The following VPS33B variants were observed in gnomAD, a reference collection of about 807,000 sequenced individuals.
VPS33B encodes vacuolar protein sorting-associated protein 33B.
Under a neutral mutation model 95.3 loss-of-function variants are expected in VPS33B, and 80 were observed. The observed-to-expected ratio is 0.84, with a 90% CI of 0.70 to 1.01. The LOEUF is 1.01. Ranked by LOEUF, VPS33B falls within the 50% of genes least tolerant of loss-of-function variation. The pLI, the probability that VPS33B is intolerant of heterozygous loss-of-function variation, is 0.00. For synonymous variants in VPS33B, 280 were observed against 280.4 expected (o/e 1.00, Z 0.01); for missense variants, 715 against 773.4 (o/e 0.92, Z 0.90).
chr15:91,005,513 T>C lies in VPS33B; in HGVS notation c.1031-59A>G, dbSNP rs556413987. On this transcript the variant is annotated intron_variant, in intron 13 of 22. Transcript: ENST00000333371. The surrounding 1 kb of genome is among the most constrained non-coding windows in gnomAD (Gnocchi z 6.4). Reference sequence around the variant, plus strand: ...TGGTTCTAGAAAGATGTCCCTTTATTGTCCGGAAGAATAAAAAACCTCCTA... The same window carrying C: ...TGGTTCTAGAAAGATGTCCCTTTATCGTCCGGAAGAATAAAAAACCTCCTA... 2.4e-5 allele frequency: 38 copies of C among 1,611,690 alleles called. 1 individual carries two copies. The highest frequency in any genetic ancestry group is 3.1e-5 in the Non-Finnish European group (37 of 1,177,916).
rs960386525 is a variant in VPS33B, at chr15:91,010,408, C to G, written c.358-562G>C. Among the ~76,000 whole-genome samples, 1 of 152,160 alleles carries G rather than the reference C, an allele frequency of 6.6e-6. No homozygotes were observed. The highest frequency in any genetic ancestry group is 1.5e-5 in the Non-Finnish European group (1 of 68,040). ...TTGAGCCCAGAAGTTCTAGACCAGTCTGGGCAACATAGTGACACCCCATCT... is the reference window on the plus strand; with the variant it reads ...TTGAGCCCAGAAGTTCTAGACCAGTGTGGGCAACATAGTGACACCCCATCT... On this transcript the variant is annotated intron_variant, in intron 5 of 22. Coordinates refer to ENST00000333371, the MANE Select transcript of VPS33B (RefSeq NM_018668.5). This position sits in a 1 kb window ranked among gnomAD's most constrained non-coding sequence, Gnocchi z 5.7.
chr15:91,016,290 G>A (rs977777527), intron 3 of VPS33B, among the ~76,000 whole-genome samples: 1 of 152,122 alleles, frequency 6.6e-6, no homozygotes, highest in Non-Finnish European at 1.5e-5. Flanking sequence ...GGTAACGTGG[G>A]AGGCCACGCT....
At chr15:91,008,713 T>A (rs965005767) in intron 6 of VPS33B, among the ~76,000 whole-genome samples, 1 of 152,198 alleles carries the variant, frequency 6.6e-6, no homozygotes, top group African/African-American at 2.4e-5. Context: ...AGACAAATTA[T>A]GACACAAACT....
At position 91,007,635 on chromosome 15, in the gene VPS33B, G is replaced by A; in HGVS notation, c.499-62C>T. On this transcript the variant is annotated intron_variant, in intron 7 of 22. Coordinates refer to ENST00000333371, the MANE Select transcript of VPS33B (RefSeq NM_018668.5). This position sits in a 1 kb window ranked among gnomAD's most constrained non-coding sequence, Gnocchi z 5.3. ...ACCCAGTAGGACCACCTGGAAAGTG[G>A]CTAGCCCTAGAAGCCCTGGAGCAGG... is the stretch of plus-strand genomic sequence containing the variant. 1 of 1,567,712 alleles carries A rather than the reference G, an allele frequency of 6.4e-7. No individual in the cohort carries two copies. Among genetic ancestry groups the A allele is most frequent in the South Asian group, 1.1e-5 (1 of 90,068 alleles).
chr15:91,020,350 A>C (rs978270934), intron 1 of VPS33B, among the ~76,000 whole-genome samples: 1 of 152,190 alleles, frequency 6.6e-6, no homozygotes, highest in African/African-American at 2.4e-5. Context: ...CTGATATTTC[A>C]AGCTGAATAG....
chr15:91,013,060 A>G lies in VPS33B; in HGVS notation c.357+744T>C, dbSNP rs2040823337. Among the ~76,000 whole-genome samples the G allele has an allele frequency of 6.6e-6, 1 of 152,126 alleles. No individual in the cohort carries two copies. On this transcript the variant is annotated intron_variant, in intron 5 of 22. Coordinates refer to ENST00000333371, the MANE Select transcript of VPS33B (RefSeq NM_018668.5). This position sits in a 1 kb window ranked among gnomAD's most constrained non-coding sequence, Gnocchi z 4.5. ...AAGAGGGAGGGTGATGATTTATCGT[A>G]TTTATTCTTAAAGGGATACAGGGAG... is the stretch of plus-strand genomic sequence containing the variant.
At chr15:91,012,506 G>C (rs191425712) in intron 5 of VPS33B, among the ~76,000 whole-genome samples, 2 of 152,150 alleles carry the variant, frequency 1.3e-5, no homozygotes, top group Non-Finnish European at 2.9e-5. Flanking sequence ...CTCAAGGGTG[G>C]ATTTTATCCA....
At position 91,018,125 on chromosome 15, in the gene VPS33B, G is replaced by C. The variant is rs1314300143; in HGVS notation, c.97-240C>G. 10 of 517,676 alleles carry C rather than the reference G, an allele frequency of 1.9e-5. No individual in the cohort carries two copies. Among genetic ancestry groups the C allele is most frequent in the South Asian group, 1.4e-4 (7 of 51,386 alleles). 32.1% of individuals were successfully genotyped at this position (517,676 alleles called of 1,614,324 possible). A position where few individuals can be genotyped will look rare whatever the true frequency, so the allele number is the denominator to read the frequency against. ...GAAGACATCCCACCTTCTTTCTCAG[G>C]TTAACTCCTTGTCACTCAACCCTTC... On this transcript the variant is annotated intron_variant, in intron 1 of 22. Transcript: ENST00000333371. This position sits in a 1 kb window ranked among gnomAD's most constrained non-coding sequence, Gnocchi z 4.7.
chr15:91,013,900 A>G lies in VPS33B; in HGVS notation c.290-29T>C, dbSNP rs1176139683. The G allele has an allele frequency of 2.5e-6, 4 of 1,613,478 alleles. No individual in the cohort carries two copies. The highest frequency in any genetic ancestry group is 1.7e-5 in the Admixed American group (1 of 60,014). ...CAGAGAGAAGGAATGCAGCCCAGCA[A>G]GTCATGGGCCATCTGTTATGCTAGA... On this transcript the variant is annotated intron_variant, in intron 4 of 22. Transcript: ENST00000333371. This position sits in a 1 kb window ranked among gnomAD's most constrained non-coding sequence, Gnocchi z 4.5.
At position 91,009,054 on chromosome 15, in the gene VPS33B, G is replaced by A. The variant is rs2040699485; in HGVS notation, c.403+747C>T. On this transcript the variant is annotated intron_variant, in intron 6 of 22. Transcript: ENST00000333371. This position sits in a 1 kb window ranked among gnomAD's most constrained non-coding sequence, Gnocchi z 4.1. ...ATTCTGGGCTTTATATTGAGCCGCT[G>A]CTATTTCCAGCAGGGAGGGCTGTGA... is the stretch of plus-strand genomic sequence containing the variant. Among the ~76,000 whole-genome samples the A allele has an allele frequency of 6.6e-6, 1 of 152,106 alleles. No individual in the cohort carries two copies. Among genetic ancestry groups the A allele is most frequent in the Non-Finnish European group, 1.5e-5 (1 of 68,016 alleles).
rs757706978 is a variant in VPS33B, at chr15:91,000,511, C to T, written c.1560G>A (p.Leu520=). 42 of 1,613,318 alleles carry T rather than the reference C, an allele frequency of 2.6e-5. No individual in the cohort carries two copies. Among genetic ancestry groups the T allele is most frequent in the Non-Finnish European group, 3.6e-5 (42 of 1,179,570 alleles). The change falls in exon 20 of 23, where the codon CTG becomes CTA. Residue 520 remains leucine, a synonymous_variant. Coordinates refer to ENST00000333371, the MANE Select transcript of VPS33B (RefSeq NM_018668.5). This position sits in a 1 kb window ranked among gnomAD's most constrained non-coding sequence, Gnocchi z 4.9. ...TCACCTGCTCAATGATTCGGCAGCT[C>T]AGGGGCACATAAGCACCACCGAAGA... ...AYVFGGAYVP[L]SCRIIEQVLE... is the part of the protein sequence containing the mutation.
At chr15:91,003,161 T>C in intron 16 of VPS33B, 30 bp from the exon 17 acceptor site, 2 of 1,613,506 alleles carry the variant, frequency 1.2e-6, no homozygotes, top group African/African-American at 1.3e-5. Context: ...GACAGGTGCA[T>C]GAGAAAGAGG....
downstream of VPS33B, chr15:90,998,641 G>C (rs945030053): frequency 1.3e-5 from 5 of 384,858 alleles, no homozygotes; most frequent in East Asian, 3.1e-4. The surrounding 1 kb of genome is among the most constrained non-coding windows in gnomAD (Gnocchi z 4.8). Flanking sequence ...CACTAATAAA[G>C]ATGGAAGTGC....
At position 91,005,338 on chromosome 15, in the gene VPS33B, G is replaced by T. The variant is rs1313459821; in HGVS notation, c.1105+42C>A. 6.2e-7 allele frequency: 1 copy of T among 1,614,038 alleles called. No individual in the cohort carries two copies. The highest frequency in any genetic ancestry group is 8.5e-7 in the Non-Finnish European group (1 of 1,180,018). ...TGGGACGGGGCTGGGAGCTGGGGAA[G>T]TAGAAGCGTGGGCAGTAGCACAGCA... On this transcript the variant is annotated intron_variant, in intron 14 of 22. Transcript: ENST00000333371. The surrounding 1 kb of genome is among the most constrained non-coding windows in gnomAD (Gnocchi z 6.4).
Position 91,015,429 on chromosome 15 carries a change from C to T in VPS33B, c.240-996G>A, listed in dbSNP as rs1366249374. ...GCGAGGTGGTGCATGCCTATAATCC[C>T]AGCATTTTGGGAGGCCAAGGAGTGC... On this transcript the variant is annotated intron_variant, in intron 3 of 22. Transcript: ENST00000333371. The surrounding 1 kb of genome is among the most constrained non-coding windows in gnomAD (Gnocchi z 4.7). 6.6e-6 allele frequency among the ~76,000 whole-genome samples: 1 copy of T among 151,796 alleles called. No homozygotes were observed. Among genetic ancestry groups the T allele is most frequent in the Non-Finnish European group, 1.5e-5 (1 of 67,944 alleles).
Position 91,007,433 on chromosome 15 carries a change from C to T in VPS33B, c.603+36G>A, listed in dbSNP as rs142934083. On this transcript the variant is annotated intron_variant, in intron 8 of 22. Coordinates refer to ENST00000333371, the MANE Select transcript of VPS33B (RefSeq NM_018668.5). The surrounding 1 kb of genome is among the most constrained non-coding windows in gnomAD (Gnocchi z 5.3). ...GGAGGGTACAGAACAGGGAAAACAG[C>T]GTCTGCTGGGACAACAGTACTGCTA... 1.2e-4 allele frequency: 190 copies of T among 1,595,032 alleles called. No individual in the cohort carries two copies. Among genetic ancestry groups the T allele is most frequent in the Admixed American group, 1.7e-4 (10 of 59,976 alleles).
In VPS33B at chr15:90,999,534, G is replaced by C; in HGVS notation, c.1774+143C>G. ...GGGTTTCACCATGTTGGTCAGGCTAGGCTCTAACTCCTGACCTCAGGTGAT... is the reference window on the plus strand; with the variant it reads ...GGGTTTCACCATGTTGGTCAGGCTACGCTCTAACTCCTGACCTCAGGTGAT... On this transcript the variant is annotated intron_variant, in intron 22 of 22. Coordinates refer to ENST00000333371, the MANE Select transcript of VPS33B (RefSeq NM_018668.5). The surrounding 1 kb of genome is among the most constrained non-coding windows in gnomAD (Gnocchi z 5.1). 1 of 865,176 alleles carries C rather than the reference G, an allele frequency of 1.2e-6. No individual in the cohort carries two copies. Among genetic ancestry groups the C allele is most frequent in the Non-Finnish European group, 1.9e-6 (1 of 514,088 alleles). 53.6% of individuals were successfully genotyped at this position (865,176 alleles called of 1,614,324 possible).
rs1185807793 is a variant in VPS33B at position 91,017,368 on chromosome 15, ATATATAT to A, written c.178-351_178-345del. Among the ~76,000 whole-genome samples the A allele has an allele frequency of 1.6e-3, 57 of 35,244 alleles. 10 individuals carry two copies. The highest frequency in any genetic ancestry group is 4.0e-3 in the African/African-American group (43 of 10,700). The allele number at this position is 35,244 out of a possible 152,430, so 23.1% of individuals were successfully genotyped here. A position where few individuals can be genotyped will look rare whatever the true frequency, so the allele number is the denominator to read the frequency against. On this transcript the variant is annotated intron_variant, in intron 2 of 22. Transcript: ENST00000333371. The stretch of plus-strand genomic sequence containing the variant: ...CAAGACTCCATCTCTACAAAATTAA[ATATATAT>A]ATATATATATATATATATATATATA...
At chr15:91,017,400 A>ATATATATATATATATC in intron 2 of VPS33B, among the ~76,000 whole-genome samples, 1 of 98,550 alleles carries the variant, frequency 1.0e-5, no homozygotes. Flanking sequence ...ATATATATAT[A>ATATATATATATATATC]TATATATATA....
Sources: gnomAD v4.1 joint callset for allele counts (sites outside exome capture counted in the v4.1 genomes callset) on GRCh38, gnomAD v4.1.1 for gene constraint, Gnocchi (gnomAD v3.1) non-coding constraint, MANE v1.5 for transcripts, NCBI Gene and HGNC (gene_info 2026-07-23, HGNC 2026-07-21) for gene names.